The following SLC25A21 variants were observed in gnomAD, a reference collection of about 807,000 sequenced individuals.
The protein encoded by SLC25A21 is solute carrier family 25 member 21.
In SLC25A21, 47 loss-of-function variants were observed where a neutral mutation model predicts 43.8. That is an observed-to-expected ratio of 1.07 (90% CI 0.85 to 1.37). The LOEUF (loss-of-function observed/expected upper bound fraction) is 1.37. Ranked by LOEUF, SLC25A21 falls within the 40% of genes most tolerant of loss-of-function variation. The pLI is 0.00. For missense variants in SLC25A21, 352 were observed against 350.2 expected, an observed-to-expected ratio of 1.00 and a Z score of -0.04; for synonymous variants, 131 against 121.3, an observed-to-expected ratio of 1.08 and a Z score of -0.52.
intron 1 of SLC25A21, among the ~76,000 whole-genome samples, chr14:36,895,221 C>G (rs1239429863): frequency 6.6e-6 from 1 of 152,026 alleles, no homozygotes; most frequent in Non-Finnish European, 1.5e-5. Context: ...TTTCAGAGCC[C>G]ATTATTGGTC....
chr14:36,858,081 T>G (rs1000142371), intron 2 of SLC25A21, among the ~76,000 whole-genome samples: 1 of 152,160 alleles, frequency 6.6e-6, no homozygotes, highest in Non-Finnish European at 1.5e-5. Context: ...AAAAATCAAG[T>G]AGATTTCAGA....
At chr14:36,848,879 T>C (rs1226926797) in intron 2 of SLC25A21, among the ~76,000 whole-genome samples, 1 of 152,166 alleles carries the variant, frequency 6.6e-6, no homozygotes, top group Non-Finnish European at 1.5e-5. Flanking sequence ...ATCCACTCTG[T>C]TTTGGTCTAA....
At position 36,938,017 on chromosome 14, in the gene SLC25A21, T is replaced by A. The variant is rs548056433; in HGVS notation, c.71-63013A>T. Among the ~76,000 whole-genome samples, 57 of 152,194 alleles carry A rather than the reference T, an allele frequency of 3.7e-4. 2 individuals carry two copies. In the East Asian group the frequency reaches 8.9e-3, roughly 24 times the overall value. On this transcript the variant is annotated intron_variant, in intron 1 of 9. Transcript: ENST00000331299. ...AGAACAACTTTTTTTAAAAAAAAAT[T>A]TTTTTTAATGGCAACTCGATATAAT...
In SLC25A21 at chr14:36,719,946, T is replaced by C. The variant is rs570476683; in HGVS notation, c.438+5624A>G. 3.5e-4 allele frequency among the ~76,000 whole-genome samples: 53 copies of C among 152,268 alleles called. 1 individual carries two copies. The highest frequency in any genetic ancestry group is 1.2e-3 in the African/African-American group (51 of 41,564). ...AGCTCCAGGACTCCAGTTCCTATTA[T>C]TCGGCTGCCATGAACCTAACAGAAG... On this transcript the variant is annotated intron_variant, in intron 6 of 9. Coordinates refer to ENST00000331299, the MANE Select transcript of SLC25A21 (RefSeq NM_030631.4).
At chr14:36,958,075 T>G (rs1264037180) in intron 1 of SLC25A21, among the ~76,000 whole-genome samples, 1 of 152,034 alleles carries the variant, frequency 6.6e-6, no homozygotes, top group Non-Finnish European at 1.5e-5. Flanking sequence ...CTCATTTTTT[T>G]TTTAGCTCAA....
chr14:36,768,140 CT>C (rs1261241281), intron 3 of SLC25A21, among the ~76,000 whole-genome samples: 1 of 152,172 alleles, frequency 6.6e-6, no homozygotes, highest in Non-Finnish European at 1.5e-5. Flanking sequence ...ATAGCTTTTG[CT>C]TACTGGCTTC....
chr14:36,900,401 G>A (rs577425054), intron 1 of SLC25A21, among the ~76,000 whole-genome samples: 7 of 152,088 alleles, frequency 4.6e-5, no homozygotes, highest in East Asian at 3.9e-4. Flanking sequence ...AAATCTCTGC[G>A]CAACATCTCT....
intron 1 of SLC25A21, among the ~76,000 whole-genome samples, chr14:36,940,615 C>A (rs762570718): frequency 2.0e-5 from 3 of 152,100 alleles, no homozygotes; most frequent in Non-Finnish European, 4.4e-5. Flanking sequence ...GCAAGCAACT[C>A]GATTACACAA....
chr14:37,132,815 A>G (rs6571787), intron 1 of SLC25A21, among the ~76,000 whole-genome samples: 142,676 of 151,718 alleles, frequency 0.94, 67,225 homozygotes, highest in East Asian at 1. Flanking sequence ...CTGCAGCCTC[A>G]ACCTCCCCAG....
Position 36,678,645 on chromosome 14 carries a change from T to C in SLC25A21, c.*2013A>G. ...TTATCAAATGTTTTTAGGTGGCTGT[T>C]AGGGGGCTTTAAAAAATATTACTTG... On this transcript the variant is annotated 3_prime_UTR_variant, in exon 10 of 10. Coordinates refer to ENST00000331299, the MANE Select transcript of SLC25A21 (RefSeq NM_030631.4). 6.3e-6 allele frequency: 8 copies of C among 1,266,862 alleles called. No homozygotes were observed. Among genetic ancestry groups the C allele is most frequent in the Non-Finnish European group, 8.0e-6 (8 of 1,006,212 alleles). 78.5% of individuals were successfully genotyped at this position (1,266,862 alleles called of 1,614,324 possible). A position where few individuals can be genotyped will look rare whatever the true frequency, so the allele number is the denominator to read the frequency against.
intron 1 of SLC25A21, among the ~76,000 whole-genome samples, chr14:36,980,973 A>C (rs2138699319): frequency 6.6e-6 from 1 of 152,300 alleles, no homozygotes; most frequent in Non-Finnish European, 1.5e-5. Context: ...GAATCTACAA[A>C]GAACTTAAGT....
chr14:36,928,592 G>A (rs952430294), intron 1 of SLC25A21, among the ~76,000 whole-genome samples: 2 of 152,114 alleles, frequency 1.3e-5, no homozygotes, highest in African/African-American at 4.8e-5. Flanking sequence ...TACAATGAGT[G>A]CATATGTGTA....
At chr14:36,734,668 T>G in intron 3 of SLC25A21, 95 bp from the exon 4 acceptor site, 2 of 881,094 alleles carry the variant, frequency 2.3e-6, no homozygotes, top group Non-Finnish European at 1.8e-6. Flanking sequence ...TCCCGATTAT[T>G]CAACATAGCA....
chr14:36,869,529 G>A (rs563895776), intron 2 of SLC25A21, among the ~76,000 whole-genome samples: 4 of 152,284 alleles, frequency 2.6e-5, no homozygotes, highest in African/African-American at 7.2e-5. Flanking sequence ...CTCAGGCCTC[G>A]GAGGTACCAG....
intron 6 of SLC25A21, among the ~76,000 whole-genome samples, chr14:36,719,199 T>C (rs986266298): frequency 6.6e-6 from 1 of 152,196 alleles, no homozygotes; most frequent in Non-Finnish European, 1.5e-5. Flanking sequence ...CAGCCAAACA[T>C]CACTTGCCTT....
intron 6 of SLC25A21, among the ~76,000 whole-genome samples, chr14:36,712,292 CAA>C (rs1883914740): frequency 6.7e-6 from 1 of 150,278 alleles, no homozygotes; most frequent in Non-Finnish European, 1.5e-5. Flanking sequence ...AGGCACTGTA[CAA>C]AAGATATCTC....
chr14:36,989,187 C>T (rs1469494310), intron 1 of SLC25A21, among the ~76,000 whole-genome samples: 1 of 152,164 alleles, frequency 6.6e-6, no homozygotes, highest in Non-Finnish European at 1.5e-5. Flanking sequence ...GCACTCCTGG[C>T]TGCAATGCAG....
intron 3 of SLC25A21, among the ~76,000 whole-genome samples, chr14:36,767,234 A>G (rs1752370952): frequency 6.6e-6 from 1 of 152,202 alleles, no homozygotes; most frequent in African/African-American, 2.4e-5. Flanking sequence ...GCTTTCATAT[A>G]AAAAGTGCTC....
chr14:36,786,135 G>A (rs960704315), intron 3 of SLC25A21, among the ~76,000 whole-genome samples: 7 of 152,274 alleles, frequency 4.6e-5, no homozygotes, highest in African/African-American at 1.7e-4. Flanking sequence ...TATTAGCTAT[G>A]GGACCTTGGG....
Sources: gnomAD v4.1 joint callset for allele counts (sites outside exome capture counted in the v4.1 genomes callset) on GRCh38, gnomAD v4.1.1 for gene constraint, MANE v1.5 for transcripts, NCBI Gene and HGNC (gene_info 2026-07-23, HGNC 2026-07-21) for gene names.